MARCHF3: variants seen among roughly 807,000 people sequenced by gnomAD.
MARCHF3 encodes the protein membrane associated ring-CH-type finger 3, also known as E3 ubiquitin-protein ligase MARCHF3.
A neutral mutation model predicts 24.2 loss-of-function variants in MARCHF3; 13 were observed. That is an observed-to-expected ratio of 0.54 (90% CI 0.35 to 0.85). The LOEUF is 0.85. MARCHF3 is among the 40% of genes least tolerant of loss of function. The probability of loss-of-function intolerance (pLI) is 0.01; values close to 1 mark genes in which losing one functional copy is unlikely to be tolerated. For synonymous variants in MARCHF3, 144 were observed against 137.3 expected, an observed-to-expected ratio of 1.05 and a Z score of -0.34; for missense variants, 276 against 325.0, an observed-to-expected ratio of 0.85 and a Z score of 1.16.
At chr5:126,944,784 C>A (rs1296216450) in intron 1 of MARCHF3, among the ~76,000 whole-genome samples, 3 of 152,110 alleles carry the variant, frequency 2.0e-5, no homozygotes, top group Non-Finnish European at 4.4e-5. Context: ...TCTTAATCTA[C>A]AAAATAACAC....
At chr5:127,007,735 T>G (rs1368046383) in intron 1 of MARCHF3, among the ~76,000 whole-genome samples, 1 of 152,202 alleles carries the variant, frequency 6.6e-6, no homozygotes, top group Non-Finnish European at 1.5e-5. Flanking sequence ...CTTGCACAAA[T>G]AGTGATGACA....
chr5:126,953,880 G>A (rs560114609), intron 1 of MARCHF3, among the ~76,000 whole-genome samples: 4 of 152,194 alleles, frequency 2.6e-5, no homozygotes, highest in Admixed American at 2.0e-4. Context: ...ATCTTCTCTT[G>A]TATATTCTAC....
intron 1 of MARCHF3, among the ~76,000 whole-genome samples, chr5:127,005,283 C>T (rs1170657455): frequency 6.6e-6 from 1 of 151,864 alleles, no homozygotes; most frequent in African/African-American, 2.4e-5. Flanking sequence ...TTACAGGCAC[C>T]CACCACCACG....
chr5:127,004,621 T>C (rs533600040), intron 1 of MARCHF3, among the ~76,000 whole-genome samples: 1 of 152,258 alleles, frequency 6.6e-6, no homozygotes, highest in South Asian at 2.1e-4. Flanking sequence ...AGCTAAGAGT[T>C]CAGGTCTTTA....
At chr5:126,928,447 G>GT (rs1393405506) in intron 1 of MARCHF3, among the ~76,000 whole-genome samples, 2 of 152,076 alleles carry the variant, frequency 1.3e-5, no homozygotes, top group Non-Finnish European at 2.9e-5. Context: ...AAAGAAATAG[G>GT]TTTTTTTAAA....
intron 1 of MARCHF3, among the ~76,000 whole-genome samples, chr5:126,934,863 C>T (rs1273498786): frequency 1.3e-5 from 2 of 152,112 alleles, no homozygotes; most frequent in South Asian, 4.1e-4. Context: ...GTCTACCAGG[C>T]CCAGGTCCCG....
At chr5:126,906,706 C>CTT (rs1023716917) in intron 3 of MARCHF3, among the ~76,000 whole-genome samples, 1 of 152,148 alleles carries the variant, frequency 6.6e-6, no homozygotes, top group African/African-American at 2.4e-5. Context: ...ATTCTTCTCT[C>CTT]TTTTTTTCTT....
intron 1 of MARCHF3, among the ~76,000 whole-genome samples, chr5:126,992,074 G>T (rs1751782900): frequency 6.6e-6 from 1 of 152,186 alleles, no homozygotes; most frequent in Non-Finnish European, 1.5e-5. Flanking sequence ...AGTTAATGCT[G>T]AGTGAACAGT....
intron 1 of MARCHF3, among the ~76,000 whole-genome samples, chr5:126,954,012 T>C (rs1750341981): frequency 1.3e-5 from 2 of 152,086 alleles, no homozygotes; most frequent in African/African-American, 2.4e-5. Context: ...CTTACTCCCA[T>C]TTATGTAGTA....
At chr5:126,885,897 T>C (rs1167597208) in intron 3 of MARCHF3, among the ~76,000 whole-genome samples, 2 of 151,992 alleles carry the variant, frequency 1.3e-5, no homozygotes, top group Admixed American at 1.3e-4. Flanking sequence ...TAAGTAACCA[T>C]GGAACATCTA....
intron 1 of MARCHF3, among the ~76,000 whole-genome samples, chr5:126,934,638 T>G (rs1293771782): frequency 6.6e-6 from 1 of 151,434 alleles, no homozygotes; most frequent in African/African-American, 2.4e-5. Context: ...TTTAAGTTGG[T>G]ATGGAGAATA....
At chr5:126,900,988 G>A (rs1265596785) in intron 3 of MARCHF3, among the ~76,000 whole-genome samples, 1 of 152,038 alleles carries the variant, frequency 6.6e-6, no homozygotes, top group Non-Finnish European at 1.5e-5. Flanking sequence ...TAACAGGCAT[G>A]AGCCACCGTG....
chr5:126,964,467 A>G (rs1007237779), intron 1 of MARCHF3, among the ~76,000 whole-genome samples: 11 of 152,250 alleles, frequency 7.2e-5, no homozygotes, highest in African/African-American at 1.7e-4. Context: ...AAAGGCCCTA[A>G]GAGCAAGTGC....
chr5:126,885,845 GA>G (rs1300672225), intron 3 of MARCHF3, among the ~76,000 whole-genome samples: 6 of 151,972 alleles, frequency 3.9e-5, no homozygotes, highest in African/African-American at 1.4e-4. Flanking sequence ...GTTACAAGAT[GA>G]AAAACCTGTA....
chr5:126,954,931 T>G (rs1750390482), intron 1 of MARCHF3, among the ~76,000 whole-genome samples: 1 of 152,196 alleles, frequency 6.6e-6, no homozygotes, highest in South Asian at 2.1e-4. Context: ...ATTATAATTT[T>G]TGTGTTTTTC....
chr5:126,879,432 C>T (rs1753278192), intron 3 of MARCHF3, among the ~76,000 whole-genome samples: 1 of 152,158 alleles, frequency 6.6e-6, no homozygotes, highest in Non-Finnish European at 1.5e-5. Context: ...GCTTTTGGAT[C>T]CTGAACCTCC....
intron 3 of MARCHF3, among the ~76,000 whole-genome samples, chr5:126,895,666 C>T (rs530361406): frequency 8.5e-5 from 13 of 152,196 alleles, no homozygotes; most frequent in East Asian, 7.7e-4. Flanking sequence ...GCAGTCTGCC[C>T]GTTCTCAGAT....
At chr5:127,020,064 A>C (rs1009101921) in intron 1 of MARCHF3, among the ~76,000 whole-genome samples, 1 of 152,158 alleles carries the variant, frequency 6.6e-6, no homozygotes, top group Non-Finnish European at 1.5e-5. Flanking sequence ...GTACTTTAGC[A>C]TGAGTAGCCA....
intron 3 of MARCHF3, among the ~76,000 whole-genome samples, chr5:126,883,365 C>G (rs1753402203): frequency 6.6e-6 from 1 of 152,192 alleles, no homozygotes; most frequent in Non-Finnish European, 1.5e-5. Flanking sequence ...ACATGCAGTA[C>G]AGAGATCATG....
Sources: allele counts gnomAD v4.1 joint callset (sites outside exome capture counted in the v4.1 genomes callset), GRCh38; gene constraint gnomAD v4.1.1; transcripts MANE v1.5; gene names NCBI Gene and HGNC (gene_info 2026-07-23, HGNC 2026-07-21).